NEB: variants seen among roughly 807,000 people sequenced by gnomAD.
NEB encodes nebulin.
NEB carries 512 observed loss-of-function variants against 952.2 expected under a neutral mutation model. The ratio of observed to expected loss-of-function variants is 0.54; its 90% confidence interval spans 0.50 to 0.58. The LOEUF (loss-of-function observed/expected upper bound fraction) is 0.58, where lower values mean the gene tolerates loss of function less well. Among genes scored for constraint, NEB ranks in the 20% least tolerant of loss-of-function variants. The probability of loss-of-function intolerance (pLI) is 0.00; values close to 1 mark genes in which losing one functional copy is unlikely to be tolerated. For missense variants in NEB, 8,428 were observed against 9,231.1 expected (o/e 0.91, Z 3.56); for synonymous variants, 2,900 against 3,149.8 (o/e 0.92, Z 2.66).
chr2:151,655,918 C>T lies in NEB; in HGVS notation c.6601G>A (p.Asp2201Asn). Residue 2201 changes from aspartate to asparagine, a missense_variant, in exon 50 of 182, where the codon GAT becomes AAT. Around this residue, in one of 11 missense-constraint regions of NEB, gnomAD observed 2,851 missense variants for 2,791.5 expected, o/e 1.02. Coordinates refer to ENST00000397345, the MANE Select transcript of NEB (RefSeq NM_001164508.2). Reference sequence around the variant, plus strand: ...CTCGGGTGCTGGCGGTATTTCTGATCACTGGCATATTCAGTTGCTTTCTTG... The same window carrying T: ...CTCGGGTGCTGGCGGTATTTCTGATTACTGGCATATTCAGTTGCTTTCTTG... ...KAKKATEYAS[D>N]QKYRQHPSNF... is the part of the protein sequence containing the mutation. 6.2e-7 allele frequency: 1 copy of T among 1,613,832 alleles called. No homozygotes were observed. Among genetic ancestry groups the T allele is most frequent in the East Asian group, 2.2e-5 (1 of 44,884 alleles).
intron 45 of NEB, among the ~76,000 whole-genome samples, chr2:151,662,984 T>C (rs1182907350): frequency 6.6e-6 from 1 of 152,164 alleles, no homozygotes; most frequent in Non-Finnish European, 1.5e-5. Context: ...CTGCTTTGGG[T>C]TTGTAACTTA....
Position 151,519,719 on chromosome 2 carries a change from T to C in NEB, c.22529A>G (p.Tyr7510Cys), listed in dbSNP as rs572075529. ...GTAGAGCTGGCTGTCTTTTGGATTG[T>C]ATTTTGGTGTCTTGCCCTTTTCTTT... ...FDKEKGKTPKYNPKDSQLYKV... is the reference protein window; with the variant it reads ...FDKEKGKTPKCNPKDSQLYKV... Residue 7510 changes from tyrosine to cysteine, a missense_variant, in exon 154 of 182, where the codon TAC becomes TGC. By Grantham distance (194) the Tyr-to-Cys change is radical. Coordinates refer to ENST00000397345, the MANE Select transcript of NEB (RefSeq NM_001164508.2). The C allele has an allele frequency of 1.2e-6, 2 of 1,613,486 alleles. No homozygotes were observed. Among genetic ancestry groups the C allele is most frequent in the Non-Finnish European group, 1.7e-6 (2 of 1,179,538 alleles).
intron 9 of NEB, among the ~76,000 whole-genome samples, chr2:151,722,735 G>C (rs904138116): frequency 2.6e-5 from 4 of 152,110 alleles, no homozygotes; most frequent in African/African-American, 9.7e-5. Context: ...ATTTTGTAGA[G>C]ATGAGGTCTT....
At position 151,669,104 on chromosome 2, in the gene NEB, G is replaced by A; in HGVS notation, c.4534C>T (p.Leu1512=). The A allele has an allele frequency of 6.3e-7, 1 of 1,587,464 alleles. No homozygotes were observed. The highest frequency in any genetic ancestry group is 1.1e-5 in the South Asian group (1 of 86,958). ...DLNYKVEGEK[L]KHKYTIDPEL... is the part of the protein sequence containing the mutation. Reference sequence around the variant, plus strand: ...GGGTCAATAGTATACTTGTGCTTCAGTTTCTCTCCCTCTACCTTGTAGTTC... The same window carrying A: ...GGGTCAATAGTATACTTGTGCTTCAATTTCTCTCCCTCTACCTTGTAGTTC... The change falls in exon 39 of 182, where the codon CTG becomes TTG. Residue 1512 remains leucine (L), a synonymous_variant. Transcript: ENST00000397345.
At chr2:151,646,676 G>A (rs1575021375) in intron 54 of NEB, among the ~76,000 whole-genome samples, 1 of 152,152 alleles carries the variant, frequency 6.6e-6, no homozygotes, top group Non-Finnish European at 1.5e-5. Flanking sequence ...TTGACACAGA[G>A]TCTTACACTG....
chr2:151,639,724 G>C, intron 62 of NEB, 133 bp downstream of exon 62: 1 of 722,504 alleles, frequency 1.4e-6, no homozygotes. Context: ...AGATAGATGA[G>C]AAGCCAATAG....
In NEB at chr2:151,687,402, T is replaced by C. The variant is rs145112154; in HGVS notation, c.2637+17A>G. 363 of 1,598,106 alleles carry C rather than the reference T, an allele frequency of 2.3e-4. 1 individual carries two copies. The African/African-American group carries it at 3.6e-3, about 16-fold the overall frequency. On this transcript the variant is annotated intron_variant, in intron 27 of 181. Transcript: ENST00000397345. ...GAGTCCATCTTGAAAACAAGACAGA[T>C]TCACAAAGACACTCACATCACTCTG... is the stretch of plus-strand genomic sequence containing the variant.
chr2:151,665,881 T>C (rs951141920), intron 41 of NEB, among the ~76,000 whole-genome samples: 1 of 152,232 alleles, frequency 6.6e-6, no homozygotes, highest in Non-Finnish European at 1.5e-5. Flanking sequence ...TTGGGTCTAA[T>C]ACCAACATTT....
At chr2:151,555,120 T>C (rs1559874464) in intron 124 of NEB, 76 bp from the exon 125 acceptor site, 1 of 1,076,742 alleles carries the variant, frequency 9.3e-7, no homozygotes, top group East Asian at 2.4e-5. Context: ...GCATAAGACT[T>C]AATGGGAAAA....
At chr2:151,513,358 C>T (rs1302901686) in intron 160 of NEB, among the ~76,000 whole-genome samples, 1 of 152,172 alleles carries the variant, frequency 6.6e-6, no homozygotes, top group African/African-American at 2.4e-5. Context: ...GCCCTTTGCT[C>T]TGAATGTCCC....
At position 151,646,174 on chromosome 2, in the gene NEB, G is replaced by T. The variant is rs1210472343; in HGVS notation, c.7492C>A (p.Pro2498Thr). ...KTQIHIMPDT[P>T]DIVLAKANLI... ...TTTGCTTTAGCCAGAACAATGTCAG[G>T]TGTATCAGGCATGATGTGGATCTGA... is the stretch of plus-strand genomic sequence containing the variant. The change falls in exon 55 of 182, where the codon CCT becomes ACT. Residue 2498 changes from proline to threonine, a missense_variant. By Grantham distance (38) the Pro-to-Thr change is conservative. This residue lies in a region of NEB where 1,772 missense variants were observed against 1,960.3 expected (regional missense o/e 0.90). Coordinates refer to ENST00000397345, the MANE Select transcript of NEB (RefSeq NM_001164508.2). 8 of 1,604,854 alleles carry T rather than the reference G, an allele frequency of 5.0e-6. No homozygotes were observed. Among genetic ancestry groups the T allele is most frequent in the Non-Finnish European group, 6.8e-6 (8 of 1,175,296 alleles).
chr2:151,657,046 T>C (rs1023172593), intron 48 of NEB, among the ~76,000 whole-genome samples: 3 of 152,194 alleles, frequency 2.0e-5, no homozygotes, highest in Admixed American at 6.5e-5. Context: ...CTATTTATCA[T>C]CCCAACTTTC....
intron 166 of NEB, 46 bp from the exon 167 acceptor site, chr2:151,502,931 A>G (rs370779281): frequency 1.5e-5 from 18 of 1,196,862 alleles, no homozygotes; most frequent in Non-Finnish European, 2.2e-5. Flanking sequence ...AAACAGGCAC[A>G]GAGAGTAAGG....
Position 151,497,686 on chromosome 2 carries a change from G to C in NEB, c.24240C>G (p.Thr8080=), listed in dbSNP as rs935211033. 2 of 1,583,332 alleles carry C rather than the reference G, an allele frequency of 1.3e-6. No homozygotes were observed. Among genetic ancestry groups the C allele is most frequent in the Non-Finnish European group, 1.7e-6 (2 of 1,162,462 alleles). ...CCATCTCGGGAGTGACAGGTAAAGG[G>C]GTTCCCTTGCCCATGTTTTCTTTGT... ...VLYKENMGKG[T]PLPVTPEMER... is the part of the protein sequence containing the mutation. The change falls in exon 171 of 182, where the codon ACC becomes ACG. Residue 8080 remains threonine (T), a synonymous_variant. Coordinates refer to ENST00000397345, the MANE Select transcript of NEB (RefSeq NM_001164508.2).
At chr2:151,641,948 T>C (rs1196175007) in intron 60 of NEB, among the ~76,000 whole-genome samples, 2 of 152,184 alleles carry the variant, frequency 1.3e-5, no homozygotes, top group Non-Finnish European at 2.9e-5. Flanking sequence ...TATCTCCTAA[T>C]GCTATCCCTC....
Position 151,633,687 on chromosome 2 carries a change from G to A in NEB, c.9381C>T (p.Ile3127=). 1 of 1,613,562 alleles carries A rather than the reference G, an allele frequency of 6.2e-7. No homozygotes were observed. Among genetic ancestry groups the A allele is most frequent in the Non-Finnish European group, 8.5e-7 (1 of 1,179,512 alleles). The change falls in exon 65 of 182, where the codon ATC becomes ATT. Residue 3127 remains isoleucine (I), a synonymous_variant. Coordinates refer to ENST00000397345, the MANE Select transcript of NEB (RefSeq NM_001164508.2). Reference sequence around the variant, plus strand: ...GGAGGTCATAGGCCTGCCGAGCATGGATGACATCGCTCTGGTCAGGCAGGC... The same window carrying A: ...GGAGGTCATAGGCCTGCCGAGCATGAATGACATCGCTCTGGTCAGGCAGGC... ...WTCLPDQSDV[I]HARQAYDLQS... is the part of the protein sequence containing the mutation.
At chr2:151,498,666 A>G (rs2062054188) in intron 169 of NEB, among the ~76,000 whole-genome samples, 1 of 152,242 alleles carries the variant, frequency 6.6e-6, no homozygotes, top group Non-Finnish European at 1.5e-5. Flanking sequence ...AAGGAGGGAA[A>G]AAAGTAGAAA....
chr2:151,565,706 C>T lies in NEB; in HGVS notation c.18261+10G>A, dbSNP rs1203110083. The T allele has an allele frequency of 1.2e-6, 2 of 1,607,870 alleles. No homozygotes were observed. Among genetic ancestry groups the T allele is most frequent in the Non-Finnish European group, 1.7e-6 (2 of 1,176,204 alleles). Reference sequence around the variant, plus strand: ...AGGCATAGGTTAGAAGGAGAATAGGCTTTGCGTACCTGACTCATCATTTCC... The same window carrying T: ...AGGCATAGGTTAGAAGGAGAATAGGTTTTGCGTACCTGACTCATCATTTCC... On this transcript the variant is annotated intron_variant, in intron 115 of 181. Transcript: ENST00000397345.
intron 13 of NEB, among the ~76,000 whole-genome samples, chr2:151,699,705 G>A (rs2099631062): frequency 1.2e-5 from 1 of 86,344 alleles, no homozygotes; most frequent in African/African-American, 4.7e-5. Context: ...CTTTTTGATG[G>A]GGTTGTTTGT....
Sources: gnomAD v4.1 joint callset for allele counts (sites outside exome capture counted in the v4.1 genomes callset) on GRCh38, gnomAD v4.1.1 for gene constraint, gnomAD v4.1.1 regional missense constraint, MANE v1.5 for transcripts, NCBI Gene and HGNC (gene_info 2026-07-23, HGNC 2026-07-21) for gene names.